AP3B1: variants seen among roughly 807,000 people sequenced by gnomAD.
AP3B1 encodes adaptor related protein complex 3 subunit beta 1, also known as AP-3 complex subunit beta-1.
AP3B1 carries 61 observed loss-of-function variants against 132.5 expected under a neutral mutation model. That is an observed-to-expected ratio of 0.46 (90% CI 0.37 to 0.57). AP3B1 has a LOEUF of 0.57. Ranked by LOEUF, AP3B1 falls within the 20% of genes least tolerant of loss-of-function variation. AP3B1 has a pLI of 0.00. For synonymous variants in AP3B1, 388 were observed against 438.3 expected (o/e 0.89, Z 1.43); for missense variants, 1,120 against 1,289.4 (o/e 0.87, Z 2.01).
intron 23 of AP3B1, among the ~76,000 whole-genome samples, chr5:78,034,894 T>C (rs1017283733): frequency 6.6e-6 from 1 of 151,844 alleles, no homozygotes; most frequent in African/African-American, 2.4e-5. Flanking sequence ...AAATTTTCAA[T>C]GAAAAAAATC....
At chr5:78,240,023 C>A (rs1747058187) in intron 3 of AP3B1, among the ~76,000 whole-genome samples, 1 of 152,142 alleles carries the variant, frequency 6.6e-6, no homozygotes, top group African/African-American at 2.4e-5. Context: ...ATCATAACTA[C>A]AAAATTAGCG....
chr5:78,159,566 A>G (rs1743301558), intron 13 of AP3B1, among the ~76,000 whole-genome samples: 1 of 151,976 alleles, frequency 6.6e-6, no homozygotes, highest in Admixed American at 6.6e-5. Context: ...CATCACCCTG[A>G]CCTTCTGACA....
At chr5:78,013,768 T>C (rs956231962) in intron 26 of AP3B1, among the ~76,000 whole-genome samples, 2 of 152,238 alleles carry the variant, frequency 1.3e-5, no homozygotes, top group Non-Finnish European at 2.9e-5. Flanking sequence ...CATTAACTGA[T>C]AAATAAGTTG....
chr5:78,061,155 C>T (rs1749039650), intron 22 of AP3B1, among the ~76,000 whole-genome samples: 1 of 151,816 alleles, frequency 6.6e-6, no homozygotes, highest in Admixed American at 6.6e-5. Flanking sequence ...AAACACTTCT[C>T]TTATGATTTC....
At chr5:78,182,653 C>G (rs1022141127) in intron 7 of AP3B1, among the ~76,000 whole-genome samples, 1 of 152,072 alleles carries the variant, frequency 6.6e-6, no homozygotes, top group African/African-American at 2.4e-5. Flanking sequence ...AGCCAAAGGA[C>G]CAGGAAAGGG....
chr5:78,120,260 A>G (rs1752106955), intron 17 of AP3B1, among the ~76,000 whole-genome samples: 3 of 152,206 alleles, frequency 2.0e-5, no homozygotes, highest in South Asian at 4.1e-4. Context: ...AAAGACCATC[A>G]AGGCTAGGAA....
intron 11 of AP3B1, among the ~76,000 whole-genome samples, chr5:78,172,072 C>T (rs1014087056): frequency 6.6e-6 from 1 of 152,200 alleles, no homozygotes; most frequent in Non-Finnish European, 1.5e-5. Flanking sequence ...ACCAGCCTTG[C>T]ATCCCAGGGA....
chr5:78,222,898 A>G (rs1746240898), intron 6 of AP3B1, among the ~76,000 whole-genome samples: 1 of 152,082 alleles, frequency 6.6e-6, no homozygotes, highest in Non-Finnish European at 1.5e-5. Context: ...GCTACTGTAT[A>G]CCCCACAGAG....
intron 22 of AP3B1, among the ~76,000 whole-genome samples, chr5:78,059,377 T>G (rs1206319458): frequency 6.6e-6 from 1 of 152,238 alleles, no homozygotes; most frequent in African/African-American, 2.4e-5. Flanking sequence ...TTTAAGCCAC[T>G]AAGTTTGTGG....
chr5:78,134,990 A>C (rs1156230126), intron 15 of AP3B1, among the ~76,000 whole-genome samples: 1 of 152,200 alleles, frequency 6.6e-6, no homozygotes, highest in Non-Finnish European at 1.5e-5. Context: ...TGAGTTTTTC[A>C]ATGCCAGGAA....
At chr5:78,178,352 G>C (rs543091940) in intron 8 of AP3B1, among the ~76,000 whole-genome samples, 2 of 152,210 alleles carry the variant, frequency 1.3e-5, no homozygotes, top group Non-Finnish European at 2.9e-5. Flanking sequence ...ACTGGGCACA[G>C]TGGCTCACGC....
At chr5:78,126,884 T>C (rs905602075) in intron 17 of AP3B1, among the ~76,000 whole-genome samples, 10 of 152,206 alleles carry the variant, frequency 6.6e-5, no homozygotes, top group Non-Finnish European at 1.3e-4. Context: ...TACTTTAAGT[T>C]ATCTAAGACT....
chr5:78,108,455 C>T (rs1751435074), intron 20 of AP3B1, among the ~76,000 whole-genome samples: 1 of 152,130 alleles, frequency 6.6e-6, no homozygotes, highest in East Asian at 1.9e-4. Context: ...AGTACTTATT[C>T]CAGTTGCTAA....
In AP3B1 at chr5:78,181,661, C is replaced by A. The variant is rs1744376789; in HGVS notation, c.788G>T (p.Gly263Val). The part of the protein sequence containing the change: ...RTQFVSPWKE[G>V]DELEDNGKNF... ...CTTTCCATTGTCTTCTAATTCATCACCCTACAATGAAAGAAATCCAACCCA... is the reference window on the plus strand; with the variant it reads ...CTTTCCATTGTCTTCTAATTCATCAACCTACAATGAAAGAAATCCAACCCA... Residue 263 changes from glycine to valine, a missense_variant and splice_region_variant, in exon 8 of 27, where the codon GGT becomes GTT. Physicochemically the swap from Gly to Val is moderately radical, Grantham distance 109. Coordinates refer to ENST00000255194, the MANE Select transcript of AP3B1 (RefSeq NM_003664.5). The A allele has an allele frequency of 6.2e-7, 1 of 1,611,090 alleles. No individual in the cohort carries two copies. The highest frequency in any genetic ancestry group is 1.3e-5 in the African/African-American group (1 of 74,788).
intron 3 of AP3B1, among the ~76,000 whole-genome samples, chr5:78,235,798 T>C (rs1295177357): frequency 6.6e-6 from 1 of 152,240 alleles, no homozygotes; most frequent in Non-Finnish European, 1.5e-5. Flanking sequence ...TCAAACTTCA[T>C]GAGTTATTGA....
chr5:78,202,735 G>T (rs1745349632), intron 7 of AP3B1, among the ~76,000 whole-genome samples: 1 of 151,972 alleles, frequency 6.6e-6, no homozygotes, highest in Admixed American at 6.6e-5. Context: ...TAATGAAAAG[G>T]GTTTGTGTGT....
Position 78,216,054 on chromosome 5 carries a change from C to T in AP3B1, c.786+1G>A, listed in dbSNP as rs1274082365. 6.2e-7 allele frequency: 1 copy of T among 1,613,914 alleles called. No individual in the cohort carries two copies. On this transcript the variant is annotated splice_donor_variant, in intron 7 of 26. Coordinates refer to ENST00000255194, the MANE Select transcript of AP3B1 (RefSeq NM_003664.5). LOFTEE classifies it high-confidence loss of function. ...AAAGTGGAAGACTGTTCAACACTTACCTCTTTCCAAGGGCTGACAAACTGT... is the reference window on the plus strand; with the variant it reads ...AAAGTGGAAGACTGTTCAACACTTATCTCTTTCCAAGGGCTGACAAACTGT...
intron 23 of AP3B1, among the ~76,000 whole-genome samples, chr5:78,036,922 A>G (rs1223099916): frequency 6.6e-6 from 1 of 152,158 alleles, no homozygotes; most frequent in Non-Finnish European, 1.5e-5. Flanking sequence ...TCTATTGATA[A>G]TAGTGTCATC....
At chr5:78,229,244 A>C (rs754417147) in intron 3 of AP3B1, among the ~76,000 whole-genome samples, 1 of 152,222 alleles carries the variant, frequency 6.6e-6, no homozygotes, top group Non-Finnish European at 1.5e-5. Flanking sequence ...CCTTGAAAAC[A>C]AGTTTTAAAG....
Sources: gnomAD v4.1 joint callset for allele counts (sites outside exome capture counted in the v4.1 genomes callset) on GRCh38, gnomAD v4.1.1 for gene constraint, MANE v1.5 for transcripts, NCBI Gene and HGNC (gene_info 2026-07-23, HGNC 2026-07-21) for gene names.